The following SLC4A4 variants were observed in gnomAD, a reference collection of about 807,000 sequenced individuals.
SLC4A4 encodes solute carrier family 4 member 4, also known as electrogenic sodium bicarbonate cotransporter 1.
Under a neutral mutation model 111.5 loss-of-function variants are expected in SLC4A4, and 27 were observed. The ratio of observed to expected loss-of-function variants is 0.24; its 90% CI spans 0.18 to 0.33. The LOEUF (loss-of-function observed/expected upper bound fraction) is 0.33. SLC4A4 is among the 10% of genes least tolerant of loss of function. SLC4A4 has a pLI of 1.00. For synonymous variants in SLC4A4, 443 were observed against 463.4 expected (o/e 0.96, Z 0.57); for missense variants, 909 against 1,315.5 (o/e 0.69, Z 4.78).
In SLC4A4 at chr4:71,570,213, C is replaced by T. The variant is rs919737417; in HGVS notation, c.*2462C>T. 1 of 139,640 alleles carries T rather than the reference C, an allele frequency of 7.2e-6. No individual in the cohort carries two copies. The highest frequency in any genetic ancestry group is 1.6e-5 in the Non-Finnish European group (1 of 62,210). 8.7% of individuals were successfully genotyped at this position (139,640 alleles called of 1,614,324 possible). On this transcript the variant is annotated 3_prime_UTR_variant, in exon 26 of 26. Coordinates refer to ENST00000264485, the MANE Select transcript of SLC4A4 (RefSeq NM_001098484.3). ...GCCCCTCTCTATACCTTTCAAAGAA[C>T]TCCTGAAGCAACTTAACTCATCATT...
chr4:71,410,403 G>A (rs527505189), intron 7 of SLC4A4, among the ~76,000 whole-genome samples: 31 of 152,168 alleles, frequency 2.0e-4, no homozygotes, highest in Non-Finnish European at 4.4e-5. Flanking sequence ...GGAGTCAGAG[G>A]AGATCATTTT....
chr4:71,532,010 A>G, intron 16 of SLC4A4, 52 bp from the exon 17 acceptor site: 1 of 1,037,852 alleles, frequency 9.6e-7, no homozygotes, highest in Non-Finnish European at 1.5e-6. Context: ...AACACAGACA[A>G]ATATATGTAT....
intron 7 of SLC4A4, among the ~76,000 whole-genome samples, chr4:71,410,880 C>T (rs1721305521): frequency 1.3e-5 from 2 of 152,108 alleles, no homozygotes; most frequent in Admixed American, 1.3e-4. Flanking sequence ...AAATAACAAG[C>T]CACTAGCCAG....
At chr4:71,318,823 T>G (rs984274876) in intron 3 of SLC4A4, among the ~76,000 whole-genome samples, 64 of 151,522 alleles carry the variant, frequency 4.2e-4, no homozygotes, top group Admixed American at 3.3e-4. Flanking sequence ...AAATTAAGTT[T>G]TTTTTTTTTT....
intron 12 of SLC4A4, among the ~76,000 whole-genome samples, chr4:71,461,290 C>CA (rs1022460205): frequency 1.3e-4 from 19 of 151,328 alleles, no homozygotes; most frequent in South Asian, 2.1e-4. Flanking sequence ...GGAAAATTGT[C>CA]AAAAAAAATA....
At chr4:71,501,710 G>C (rs1448030430) in intron 16 of SLC4A4, among the ~76,000 whole-genome samples, 4 of 151,652 alleles carry the variant, frequency 2.6e-5, no homozygotes, top group African/African-American at 7.3e-5. Context: ...CACCCAGGCT[G>C]GAGTGCAGTG....
intron 2 of SLC4A4, among the ~76,000 whole-genome samples, chr4:71,140,317 A>T (rs1235814339): frequency 1.3e-5 from 2 of 152,124 alleles, no homozygotes; most frequent in African/African-American, 4.8e-5. Context: ...GCTACTCAGG[A>T]GGCTGAGGGG....
chr4:71,188,516 C>T (rs999545183), intron 1 of SLC4A4, among the ~76,000 whole-genome samples: 3 of 152,192 alleles, frequency 2.0e-5, no homozygotes, highest in African/African-American at 7.2e-5. Flanking sequence ...CGCTCATTGT[C>T]TCAAATCCTG....
chr4:71,426,420 C>G (rs1414658527), intron 7 of SLC4A4, among the ~76,000 whole-genome samples: 1 of 152,078 alleles, frequency 6.6e-6, no homozygotes, highest in Non-Finnish European at 1.5e-5. Flanking sequence ...GATAAGCCGC[C>G]TACTTCCCCA....
intron 1 of SLC4A4, among the ~76,000 whole-genome samples, chr4:71,234,435 C>T (rs1719657005): frequency 6.6e-6 from 1 of 152,024 alleles, no homozygotes; most frequent in Non-Finnish European, 1.5e-5. Flanking sequence ...TAAGTCTTTT[C>T]TTTTTTTTGA....
intron 7 of SLC4A4, among the ~76,000 whole-genome samples, chr4:71,426,214 A>T (rs1192719047): frequency 6.6e-6 from 1 of 152,130 alleles, no homozygotes; most frequent in East Asian, 1.9e-4. Context: ...TCCATGGGGA[A>T]GAGGGTATAA....
intron 6 of SLC4A4, among the ~76,000 whole-genome samples, chr4:71,363,376 G>T (rs1362404780): frequency 6.6e-6 from 1 of 152,036 alleles, no homozygotes; most frequent in Non-Finnish European, 1.5e-5. Context: ...TTTGGATCTG[G>T]CTGGGACCAC....
intron 22 of SLC4A4, among the ~76,000 whole-genome samples, 182 bp from the exon 23 acceptor site, chr4:71,559,911 C>G (rs1232490063): frequency 6.6e-6 from 1 of 151,690 alleles, no homozygotes; most frequent in East Asian, 1.9e-4. Flanking sequence ...AACAACTTTC[C>G]CCATGTAGAA....
chr4:71,093,636 A>T (rs1742451133), intron 2 of SLC4A4, among the ~76,000 whole-genome samples: 1 of 152,128 alleles, frequency 6.6e-6, no homozygotes, highest in African/African-American at 2.4e-5. Flanking sequence ...TCTTCTTGTG[A>T]TACTGGTGGG....
At chr4:71,236,382 G>A in intron 1 of SLC4A4, 194 bp from the exon 2 acceptor site, 2 of 780,434 alleles carry the variant, frequency 2.6e-6, no homozygotes, top group South Asian at 1.8e-5. Context: ...CTGAAGCTAT[G>A]TGGGACCGGC....
intron 4 of SLC4A4, among the ~76,000 whole-genome samples, chr4:71,340,443 C>T (rs1728811296): frequency 6.6e-6 from 1 of 151,850 alleles, no homozygotes; most frequent in Admixed American, 6.6e-5. Context: ...TGTTGTTAGT[C>T]CCTTACTGTG....
At chr4:71,128,041 G>A (rs929402796) in intron 2 of SLC4A4, among the ~76,000 whole-genome samples, 14 of 152,182 alleles carry the variant, frequency 9.2e-5, no homozygotes, top group African/African-American at 3.4e-4. Context: ...AGCTGTCATC[G>A]TGCCACTACA....
At chr4:71,100,986 G>A (rs559519277) in intron 2 of SLC4A4, among the ~76,000 whole-genome samples, 121 of 152,322 alleles carry the variant, frequency 7.9e-4, no homozygotes, top group African/African-American at 2.7e-3. Flanking sequence ...TCGGCTGGGC[G>A]TGGTGGCTCA....
Position 71,333,555 on chromosome 4 carries a change from C to G in SLC4A4, c.254-5815C>G, listed in dbSNP as rs201885645. Among the ~76,000 whole-genome samples, 3 of 152,328 alleles carry G rather than the reference C, an allele frequency of 2.0e-5. No homozygotes were observed. In the East Asian group the frequency reaches 5.8e-4, roughly 29 times the overall value. ...TGTTTGGCTACCACCAATGTTCAGA[C>G]AAGGTCCAAGGGCTCTTCAGTCACC... On this transcript the variant is annotated intron_variant, in intron 3 of 25. Transcript: ENST00000264485.
Sources: allele counts gnomAD v4.1 joint callset (sites outside exome capture counted in the v4.1 genomes callset), GRCh38; gene constraint gnomAD v4.1.1; transcripts MANE v1.5; gene names NCBI Gene and HGNC (gene_info 2026-07-23, HGNC 2026-07-21).